SORBS2: variants seen among roughly 807,000 people sequenced by gnomAD.
The protein encoded by SORBS2 is sorbin and SH3 domain-containing protein 2.
SORBS2 carries 46 observed loss-of-function variants against 97.7 expected under a neutral mutation model. The observed-to-expected ratio is 0.47, with a 90% confidence interval of 0.37 to 0.60. The LOEUF (loss-of-function observed/expected upper bound fraction) is 0.60. Among genes scored for constraint, SORBS2 ranks in the 20% least tolerant of loss-of-function variants. The pLI is 0.00. For missense variants in SORBS2, 1,316 were observed against 1,282.3 expected, an observed-to-expected ratio of 1.03 and a Z score of -0.40; for synonymous variants, 476 against 473.4, an observed-to-expected ratio of 1.01 and a Z score of -0.07.
intron 6 of SORBS2, among the ~76,000 whole-genome samples, chr4:185,625,593 G>C (rs2096796918): frequency 1.3e-5 from 2 of 152,104 alleles, no homozygotes; most frequent in South Asian, 4.1e-4. Context: ...TTTAACTTTT[G>C]GCTAGTATCC....
chr4:185,760,593 A>G (rs1321539660), intron 2 of SORBS2, among the ~76,000 whole-genome samples: 1 of 152,148 alleles, frequency 6.6e-6, no homozygotes, highest in Non-Finnish European at 1.5e-5. Context: ...ATGCATCTGT[A>G]TAGGCATCCT....
At chr4:185,592,169 T>G (rs76092675) in intron 13 of SORBS2, 1 of 152,508 alleles carries the variant, frequency 6.6e-6, no homozygotes, top group East Asian at 1.9e-4. Context: ...TCTCGATAAC[T>G]TGCAACTTTT....
At chr4:185,883,316 T>C (rs988844577) in intron 1 of SORBS2, among the ~76,000 whole-genome samples, 7 of 152,214 alleles carry the variant, frequency 4.6e-5, no homozygotes, top group African/African-American at 1.7e-4. Flanking sequence ...CTTAAGTCAT[T>C]AGGAAAATAT....
chr4:185,797,026 A>T (rs1372171827), intron 1 of SORBS2, among the ~76,000 whole-genome samples: 1 of 152,212 alleles, frequency 6.6e-6, no homozygotes, highest in African/African-American at 2.4e-5. Context: ...ATGTGGACAT[A>T]TTCTTAGGCC....
At chr4:185,925,149 T>G (rs182683833) in intron 1 of SORBS2, among the ~76,000 whole-genome samples, 1 of 152,252 alleles carries the variant, frequency 6.6e-6, no homozygotes, top group Non-Finnish European at 1.5e-5. Context: ...GACATTCTCA[T>G]TGTTATATTA....
At chr4:185,668,418 C>T (rs564129302) in intron 4 of SORBS2, among the ~76,000 whole-genome samples, 53 of 152,260 alleles carry the variant, frequency 3.5e-4, no homozygotes, top group South Asian at 1.0e-3. Flanking sequence ...TGTGTATGTG[C>T]GTGTGTGTGT....
At chr4:185,931,847 AAGAT>A (rs1313624083) in intron 1 of SORBS2, among the ~76,000 whole-genome samples, 1 of 152,002 alleles carries the variant, frequency 6.6e-6, no homozygotes, top group Non-Finnish European at 1.5e-5. Flanking sequence ...AAAGAGAAGA[AAGAT>A]AACAAGGACA....
chr4:185,726,147 T>C (rs534550319), intron 2 of SORBS2, among the ~76,000 whole-genome samples: 2 of 152,314 alleles, frequency 1.3e-5, no homozygotes, highest in Admixed American at 1.3e-4. Context: ...TTTTGATTCA[T>C]CTTTTGTGAG....
In SORBS2 at chr4:185,745,438, A is replaced by C. The variant is rs184620871; in HGVS notation, c.-198+29789T>G. 2.2e-3 allele frequency among the ~76,000 whole-genome samples: 339 copies of C among 152,290 alleles called. 2 individuals carry two copies. The highest frequency in any genetic ancestry group is 6.8e-3 in the Middle Eastern group (2 of 294). On this transcript the variant is annotated intron_variant, in intron 2 of 20. Transcript: ENST00000284776. The stretch of plus-strand genomic sequence containing the variant: ...CTTCACTTGCGTTAAGAATTAACTA[A>C]TCATGGTCCAGACTTATGCTCAGGT...
chr4:185,857,590 G>T (rs1276889047), intron 1 of SORBS2, among the ~76,000 whole-genome samples: 4 of 152,194 alleles, frequency 2.6e-5, no homozygotes, highest in African/African-American at 9.7e-5. Context: ...CTGCCTGTGG[G>T]GTTGGACAGA....
chr4:185,694,473 G>A (rs768174083), intron 2 of SORBS2, among the ~76,000 whole-genome samples: 17 of 152,144 alleles, frequency 1.1e-4, no homozygotes, highest in Non-Finnish European at 2.2e-4. Flanking sequence ...CTAGGGGATT[G>A]TGTTTACTTT....
At chr4:185,667,648 TGA>T (rs2097637440) in intron 4 of SORBS2, among the ~76,000 whole-genome samples, 5 of 102,318 alleles carry the variant, frequency 4.9e-5, no homozygotes, top group Non-Finnish European at 1.1e-4. Flanking sequence ...TTACTTAATA[TGA>T]TTTTTTTTCT....
Position 185,607,368 on chromosome 4 carries a change from T to A in SORBS2, c.2796+4412A>T, listed in dbSNP as rs1163430167. On this transcript the variant is annotated intron_variant, in intron 12 of 14. Transcript: ENST00000418609. The surrounding 1 kb of genome is among the most constrained non-coding windows in gnomAD (Gnocchi z 5.2). ...AAGCCAACTTGGAAATGAGCACGGA[T>A]TATGAAGTTAAGAAAAAATAAACTA... The A allele has an allele frequency of 5.7e-6, 7 of 1,237,072 alleles. No homozygotes were observed. Among genetic ancestry groups the A allele is most frequent in the Non-Finnish European group, 5.3e-6 (5 of 942,050 alleles). 76.6% of individuals were successfully genotyped at this position (1,237,072 alleles called of 1,614,324 possible). A position where few individuals can be genotyped will look rare whatever the true frequency, so the allele number is the denominator to read the frequency against.
chr4:185,631,706 G>A (rs868436148), intron 4 of SORBS2, among the ~76,000 whole-genome samples: 7 of 152,106 alleles, frequency 4.6e-5, no homozygotes, highest in African/African-American at 4.8e-5. Flanking sequence ...AGGTTGCAGC[G>A]AGTCGAGATG....
At chr4:185,900,074 A>G (rs894432773) in intron 1 of SORBS2, among the ~76,000 whole-genome samples, 1 of 152,164 alleles carries the variant, frequency 6.6e-6, no homozygotes, top group African/African-American at 2.4e-5. Flanking sequence ...CTATGATCAC[A>G]CCTGTGAATA....
At chr4:185,778,525 C>T (rs1397612485) in intron 1 of SORBS2, among the ~76,000 whole-genome samples, 1 of 152,214 alleles carries the variant, frequency 6.6e-6, no homozygotes, top group South Asian at 2.1e-4. Flanking sequence ...TGCGTGTAAA[C>T]ATGTTGAAAC....
chr4:185,623,919 C>T lies in SORBS2; in HGVS notation c.1210G>A (p.Glu404Lys), dbSNP rs1473316001. 6.2e-7 allele frequency: 1 copy of T among 1,614,054 alleles called. No homozygotes were observed. The highest frequency in any genetic ancestry group is 1.1e-5 in the South Asian group (1 of 91,072). The change falls in exon 7 of 15, where the codon GAG (glutamate) becomes AAG (lysine). Residue 404 changes from glutamate (E) to lysine (K), a missense_variant. Transcript: ENST00000418609. The surrounding 1 kb of genome is among the most constrained non-coding windows in gnomAD (Gnocchi z 6.4). ...GTGGGCACCATGTCCCGGGGCACCTCCTCCGTGGAGCACTGGCTCCAGGCG... is the reference window on the plus strand; with the variant it reads ...GTGGGCACCATGTCCCGGGGCACCTTCTCCGTGGAGCACTGGCTCCAGGCG...
At chr4:185,665,491 A>C (rs1490252935) in intron 4 of SORBS2, among the ~76,000 whole-genome samples, 1 of 152,224 alleles carries the variant, frequency 6.6e-6, no homozygotes, top group Non-Finnish European at 1.5e-5. Flanking sequence ...GTAACACGGG[A>C]AACCGTAAGT....
intron 4 of SORBS2, among the ~76,000 whole-genome samples, 181 bp from the exon 17 acceptor site, chr4:185,630,779 G>A (rs1244120912): frequency 6.6e-6 from 1 of 151,994 alleles, no homozygotes; most frequent in Non-Finnish European, 1.5e-5. Context: ...TTTCTACTTG[G>A]GACCTATCTG....
Sources: gnomAD v4.1 joint callset for allele counts (sites outside exome capture counted in the v4.1 genomes callset) on GRCh38, gnomAD v4.1.1 for gene constraint, Gnocchi (gnomAD v3.1) non-coding constraint, MANE v1.5 for transcripts, NCBI Gene and HGNC (gene_info 2026-07-23, HGNC 2026-07-21) for gene names.